SUGT1: variants seen among roughly 807,000 people sequenced by gnomAD.
The protein encoded by SUGT1 is SGT1 assembly cochaperone of MIS12 kinetochore complex.
A neutral mutation model predicts 56.1 loss-of-function variants in SUGT1; 15 were observed. The observed-to-expected ratio is 0.27, with a 90% CI of 0.18 to 0.41. The LOEUF is 0.41. SUGT1 is among the 10% of genes least tolerant of loss of function. The pLI is 1.00. For missense variants in SUGT1, 347 were observed against 382.2 expected (o/e 0.91, Z 0.77); for synonymous variants, 123 against 128.6 (o/e 0.96, Z 0.30).
rs1055565030 is a variant in SUGT1, at chr13:52,694,377, G to A, written c.*6542G>A. On this transcript the variant is annotated 3_prime_UTR_variant, in exon 13 of 13. Transcript: ENST00000310528. ...ATTGTTACTGTAATTTATAAAATTTGTACTTTGGAGAGCATAAGAATTCAT... is the reference window on the plus strand; with the variant it reads ...ATTGTTACTGTAATTTATAAAATTTATACTTTGGAGAGCATAAGAATTCAT... 6.6e-6 allele frequency: 1 copy of A among 152,186 alleles called. No homozygotes were observed. The highest frequency in any genetic ancestry group is 1.9e-4 in the East Asian group (1 of 5,200). 9.4% of individuals were successfully genotyped at this position (152,186 alleles called of 1,614,324 possible). A position where few individuals can be genotyped will look rare whatever the true frequency, so the allele number is the denominator to read the frequency against.
intron 10 of SUGT1, among the ~76,000 whole-genome samples, chr13:52,674,733 A>G (rs2138151021): frequency 6.6e-6 from 1 of 152,330 alleles, no homozygotes; most frequent in East Asian, 1.9e-4. Context: ...AGAATATAAA[A>G]TTCTAATTCA....
At chr13:52,681,941 A>G (rs1212532947) in intron 12 of SUGT1, among the ~76,000 whole-genome samples, 2 of 25,438 alleles carry the variant, frequency 7.9e-5, no homozygotes, top group Non-Finnish European at 1.6e-4. Context: ...CCACCCTTCC[A>G]TGATCCCTGA....
In SUGT1 at chr13:52,675,702, T is replaced by G. The variant is rs973735671; in HGVS notation, c.628-528T>G. On this transcript the variant is annotated intron_variant, in intron 10 of 12. Transcript: ENST00000310528. ...CATGAGTTGTATTGTGTTTATACAG[T>G]GAAATAAGTTTCTCCACTGTAAAAC... 4.6e-5 allele frequency among the ~76,000 whole-genome samples: 7 copies of G among 152,366 alleles called. No homozygotes were observed. In the East Asian group the frequency reaches 1.3e-3, roughly 29 times the overall value.
chr13:52,684,653 G>A (rs1351431358), intron 12 of SUGT1, among the ~76,000 whole-genome samples: 1 of 151,778 alleles, frequency 6.6e-6, no homozygotes, highest in East Asian at 1.9e-4. Flanking sequence ...ATCCTCCTGA[G>A]TAGCTGGGAT....
intron 10 of SUGT1, among the ~76,000 whole-genome samples, chr13:52,667,937 G>C (rs1962782666): frequency 6.6e-6 from 1 of 151,898 alleles, no homozygotes; most frequent in East Asian, 1.9e-4. Context: ...GAGTTAATGG[G>C]AATAAATGAT....
chr13:52,680,209 A>G (rs1963317106), intron 12 of SUGT1, 54 bp downstream of exon 12: 2 of 1,506,250 alleles, frequency 1.3e-6, no homozygotes, highest in African/African-American at 2.9e-5. Flanking sequence ...ACATATTTTA[A>G]ACGAGAAAAT....
intron 11 of SUGT1, among the ~76,000 whole-genome samples, chr13:52,678,790 A>T (rs889121603): frequency 7.3e-6 from 1 of 137,792 alleles, no homozygotes; most frequent in African/African-American, 2.7e-5. Flanking sequence ...GCAGTCCTCT[A>T]CCCCAACCTT....
intron 6 of SUGT1, 114 bp from the exon 7 acceptor site, chr13:52,662,982 G>A: frequency 1.7e-6 from 2 of 1,178,692 alleles, no homozygotes; most frequent in Non-Finnish European, 2.4e-6. Context: ...TTAGTTGAAA[G>A]GTACGGAGAA....
intron 12 of SUGT1, 48 bp from the exon 13 acceptor site, chr13:52,687,684 ATT>A (rs1566201511): frequency 7.0e-7 from 1 of 1,425,454 alleles, no homozygotes; most frequent in East Asian, 2.4e-5. Context: ...AAAATATTCT[ATT>A]TTGATTATAT....
At position 52,652,907 on chromosome 13, in the gene SUGT1, A is replaced by AGCGACTAC; in HGVS notation, c.-12_-5dup. 1.2e-6 allele frequency: 2 copies of AGCGACTAC among 1,613,336 alleles called. No individual in the cohort carries two copies. Among genetic ancestry groups the AGCGACTAC allele is most frequent in the Non-Finnish European group, 1.7e-6 (2 of 1,179,540 alleles). ...TAGTAGCAGCTCCGGCGGCAGCAACAGCGACTACGAGGGATGGCGGCGGCT... is the reference window on the plus strand; with the variant it reads ...TAGTAGCAGCTCCGGCGGCAGCAACAGCGACTACGCGACTACGAGGGATGGCGGCGGCT... On this transcript the variant is annotated 5_prime_UTR_variant, in exon 1 of 13. Coordinates refer to ENST00000310528, the MANE Select transcript of SUGT1 (RefSeq NM_006704.5).
chr13:52,677,593 C>G (rs1963200480), intron 11 of SUGT1, among the ~76,000 whole-genome samples: 2 of 152,174 alleles, frequency 1.3e-5, no homozygotes, highest in Admixed American at 6.5e-5. Context: ...CAGGCAGCCC[C>G]TTAGTATTCC....
rs577596338 is a variant in SUGT1 at position 52,655,159 on chromosome 13, C to T, written c.96+2056C>T. ...AGGAATTCGAGACCAGCCTGGCCAA[C>T]ATGGTGAAACCCCGTCTCTATTAAA... is the stretch of plus-strand genomic sequence containing the variant. On this transcript the variant is annotated intron_variant, in intron 2 of 12. Transcript: ENST00000310528. 2.6e-5 allele frequency among the ~76,000 whole-genome samples: 4 copies of T among 152,280 alleles called. No homozygotes were observed. The South Asian group carries it at 8.3e-4, about 32-fold the overall frequency.
rs1963696228 is a variant in SUGT1, at chr13:52,689,120, T to TGA, written c.*1285_*1286insGA. The TGA allele has an allele frequency of 6.6e-6, 1 of 152,238 alleles. No homozygotes were observed. The highest frequency in any genetic ancestry group is 2.4e-5 in the African/African-American group (1 of 41,424). 9.4% of individuals were successfully genotyped at this position (152,238 alleles called of 1,614,324 possible). A position where few individuals can be genotyped will look rare whatever the true frequency, so the allele number is the denominator to read the frequency against. Reference sequence around the variant, plus strand: ...TTTCAGCCTCCAAAACAGTAGGAATTCAGCTCCTTCCTTCTCGTCCTTTGT... The same window carrying TGA: ...TTTCAGCCTCCAAAACAGTAGGAATTGACAGCTCCTTCCTTCTCGTCCTTTGT... On this transcript the variant is annotated 3_prime_UTR_variant, in exon 13 of 13. Transcript: ENST00000310528.
chr13:52,676,271 A>G lies in SUGT1; in HGVS notation c.669A>G (p.Glu223=), dbSNP rs1963138291. ...KLKKPEAVRW[E]KLEGQGDVPT... is the part of the protein sequence containing the mutation. Reference sequence around the variant, plus strand: ...AAAAGCCAGAGGCTGTGAGATGGGAAAAGCTAGAGGGGCAAGGAGATGTGC... The same window carrying G: ...AAAAGCCAGAGGCTGTGAGATGGGAGAAGCTAGAGGGGCAAGGAGATGTGC... The change falls in exon 11 of 13, where the codon GAA becomes GAG. Residue 223 remains glutamate (E), a synonymous_variant. Coordinates refer to ENST00000310528, the MANE Select transcript of SUGT1 (RefSeq NM_006704.5). 5.6e-6 allele frequency: 9 copies of G among 1,613,230 alleles called. No homozygotes were observed. The highest frequency in any genetic ancestry group is 1.7e-5 in the Admixed American group (1 of 59,910).
intron 10 of SUGT1, among the ~76,000 whole-genome samples, chr13:52,670,441 G>A (rs994856612): frequency 3.3e-5 from 5 of 152,078 alleles, no homozygotes; most frequent in African/African-American, 1.2e-4. Context: ...CACAGTCTCA[G>A]AATTGTGACT....
Position 52,700,731 on chromosome 13 carries a change from C to T in SUGT1, c.*12896C>T, listed in dbSNP as rs1964057506. On this transcript the variant is annotated 3_prime_UTR_variant, in exon 13 of 13. Coordinates refer to ENST00000310528, the MANE Select transcript of SUGT1 (RefSeq NM_006704.5). Reference sequence around the variant, plus strand: ...TTTGGTCAACTCTCTCCTCCTCCCTCAATAAATCAGTTAACTTAAAAAATA... The same window carrying T: ...TTTGGTCAACTCTCTCCTCCTCCCTTAATAAATCAGTTAACTTAAAAAATA... 1 of 152,108 alleles carries T rather than the reference C, an allele frequency of 6.6e-6. No individual in the cohort carries two copies. The highest frequency in any genetic ancestry group is 2.4e-5 in the African/African-American group (1 of 41,412). 9.4% of individuals were successfully genotyped at this position (152,108 alleles called of 1,614,324 possible). A position where few individuals can be genotyped will look rare whatever the true frequency, so the allele number is the denominator to read the frequency against.
intron 10 of SUGT1, among the ~76,000 whole-genome samples, chr13:52,669,155 T>C (rs950186997): frequency 8.5e-5 from 13 of 152,346 alleles, no homozygotes; most frequent in African/African-American, 3.1e-4. Context: ...TATAGTAGTT[T>C]ATGTATACAT....
rs1483600925 is a variant in SUGT1 at position 52,693,377 on chromosome 13, C to A, written c.*5542C>A. 6.6e-6 allele frequency: 1 copy of A among 152,102 alleles called. No individual in the cohort carries two copies. Among genetic ancestry groups the A allele is most frequent in the African/African-American group, 2.4e-5 (1 of 41,430 alleles). The allele number at this position is 152,102 out of a possible 1,614,324, so 9.4% of individuals were successfully genotyped here. On this transcript the variant is annotated 3_prime_UTR_variant, in exon 13 of 13. Coordinates refer to ENST00000310528, the MANE Select transcript of SUGT1 (RefSeq NM_006704.5). Reference sequence around the variant, plus strand: ...TACCTATATAGGGTTTTTTAAAAAACTGTACCCTATAATGCAGCCACAGAA... The same window carrying A: ...TACCTATATAGGGTTTTTTAAAAAAATGTACCCTATAATGCAGCCACAGAA...
intron 11 of SUGT1, 97 bp from the exon 12 acceptor site, chr13:52,679,877 T>C (rs1288534608): frequency 8.3e-7 from 1 of 1,204,498 alleles, no homozygotes; most frequent in East Asian, 2.8e-5. Flanking sequence ...CTAAACTGTT[T>C]GCTAAGATGT....
Sources: gnomAD v4.1 joint callset for allele counts (sites outside exome capture counted in the v4.1 genomes callset) on GRCh38, gnomAD v4.1.1 for gene constraint, MANE v1.5 for transcripts, NCBI Gene and HGNC (gene_info 2026-07-23, HGNC 2026-07-21) for gene names.